The following CCDC62 variants were observed in gnomAD, a reference collection of about 807,000 sequenced individuals.
CCDC62 encodes the protein coiled-coil domain containing 62, also known as coiled-coil domain-containing protein 62.
In CCDC62, 72 loss-of-function variants were observed where a neutral mutation model predicts 80.8. The ratio of observed to expected loss-of-function variants is 0.89; its 90% CI spans 0.74 to 1.08. The LOEUF is 1.08. Among genes scored for constraint, CCDC62 ranks in the 50% least tolerant of loss-of-function variants. The pLI, the probability that CCDC62 is intolerant of heterozygous loss-of-function variation, is 0.00. For synonymous variants in CCDC62, 286 were observed against 296.5 expected, an observed-to-expected ratio of 0.96 and a Z score of 0.36; for missense variants, 704 against 809.4, an observed-to-expected ratio of 0.87 and a Z score of 1.58.
In CCDC62 at chr12:122,783,227, CT is replaced by C. The variant is rs757436171; in HGVS notation, c.396+1912del. The stretch of plus-strand genomic sequence containing the variant: ...TTGTTTATTTGTTATATCCTTCATT[CT>C]TTTTTTTTTTTTTTCCTGAGACGGA... On this transcript the variant is annotated intron_variant, in intron 3 of 12. Transcript: ENST00000253079. 3.1e-3 allele frequency among the ~76,000 whole-genome samples: 442 copies of C among 140,334 alleles called. 1 individual carries two copies. The highest frequency in any genetic ancestry group is 8.9e-3 in the South Asian group (39 of 4,386). The allele number at this position is 140,334 out of a possible 152,430, so 92.1% of individuals were successfully genotyped here.
intron 1 of CCDC62, among the ~76,000 whole-genome samples, 179 bp downstream of exon 1, chr12:122,774,885 C>T (rs1399131254): frequency 6.6e-6 from 1 of 150,950 alleles, no homozygotes; most frequent in Non-Finnish European, 1.5e-5. Context: ...GTCAGGAGAT[C>T]GAGACCATCC....
chr12:122,789,026 A>G (rs76417864), intron 5 of CCDC62, 97 bp downstream of exon 5: 29,343 of 925,412 alleles, frequency 0.032, 611 homozygotes, highest in South Asian at 0.042. Context: ...GAGTAGATCA[A>G]TTCCTGGCCT....
chr12:122,798,751 A>C (rs2031118139), intron 8 of CCDC62, among the ~76,000 whole-genome samples: 1 of 152,102 alleles, frequency 6.6e-6, no homozygotes, highest in Non-Finnish European at 1.5e-5. Flanking sequence ...ATTGCACTCC[A>C]GCCTGCGTGA....
At chr12:122,826,345 C>A in intron 12 of CCDC62, 77 bp from the exon 13 acceptor site, 1 of 742,116 alleles carries the variant, frequency 1.3e-6, no homozygotes, top group Non-Finnish European at 2.5e-6. Flanking sequence ...ATTTTAGACG[C>A]CAGGAGCTTA....
chr12:122,817,042 T>TTTTATTTATTTATTTATTTATTTATTTA lies in CCDC62; in HGVS notation c.2001+3645_2001+3646insTATTTATTTATTTATTTATTTATTTATT, dbSNP rs371995378. Reference sequence around the variant, plus strand: ...ATGCCAGTTTATTTTTATTTTTAAATTTTATTTATTTATTTATTTATTGTT... The same window carrying TTTTATTTATTTATTTATTTATTTATTTA: ...ATGCCAGTTTATTTTTATTTTTAAATTTTATTTATTTATTTATTTATTTATTTATTTATTTATTTATTTATTTATTGTT... On this transcript the variant is annotated intron_variant, in intron 11 of 12. Coordinates refer to ENST00000253079, the MANE Select transcript of CCDC62 (RefSeq NM_201435.5). Among the ~76,000 whole-genome samples, 939 of 150,304 alleles carry TTTTATTTATTTATTTATTTATTTATTTA rather than the reference T, an allele frequency of 6.2e-3. 7 individuals are homozygous for TTTTATTTATTTATTTATTTATTTATTTA. The highest frequency in any genetic ancestry group is 0.022 in the African/African-American group (891 of 40,318).
intron 5 of CCDC62, among the ~76,000 whole-genome samples, chr12:122,789,374 G>A (rs1011910265): frequency 1.3e-4 from 20 of 152,224 alleles, no homozygotes; most frequent in African/African-American, 4.6e-4. Context: ...GCTAGCCTGG[G>A]CATTTCTTCC....
chr12:122,789,737 T>C (rs923121818), intron 5 of CCDC62, among the ~76,000 whole-genome samples: 1 of 151,994 alleles, frequency 6.6e-6, no homozygotes, highest in African/African-American at 2.4e-5. Flanking sequence ...ACCCAGCCGA[T>C]CTTTGCTGAT....
intron 7 of CCDC62, 22 bp from the exon 8 acceptor site, chr12:122,798,063 G>A: frequency 8.6e-7 from 1 of 1,159,890 alleles, no homozygotes. Context: ...ATTTCATGTT[G>A]ATTTGTCAAT....
chr12:122,820,008 G>A (rs1001980578), intron 11 of CCDC62, among the ~76,000 whole-genome samples: 4 of 130,040 alleles, frequency 3.1e-5, no homozygotes, highest in African/African-American at 5.7e-5. Flanking sequence ...GCTGCAGTGA[G>A]CTGTGATTGA....
intron 3 of CCDC62, among the ~76,000 whole-genome samples, chr12:122,784,139 TC>T (rs1384840277): frequency 2.0e-5 from 3 of 152,200 alleles, no homozygotes; most frequent in African/African-American, 7.2e-5. Context: ...ATGCTTGGAA[TC>T]CTACAGTATA....
chr12:122,774,692 C>T lies in CCDC62; in HGVS notation c.22C>T (p.Leu8Phe), dbSNP rs1593771046. Residue 8 changes from leucine to phenylalanine, a missense_variant, in exon 1 of 13, where the codon CTT (leucine) becomes TTT (phenylalanine). Physicochemically the swap from Leu to Phe is conservative, Grantham distance 22. Coordinates refer to ENST00000253079, the MANE Select transcript of CCDC62 (RefSeq NM_201435.5). ...ACCTATGAACCCTCCGGCAGCCTTCCTTGCCGGGCGCCAGGTAAGCAGCGG... is the reference window on the plus strand; with the variant it reads ...ACCTATGAACCCTCCGGCAGCCTTCTTTGCCGGGCGCCAGGTAAGCAGCGG... MNPPAAF[L>F]AGRQNIGSEV... The T allele has an allele frequency of 6.8e-5, 86 of 1,256,934 alleles. No individual in the cohort carries two copies. The highest frequency in any genetic ancestry group is 8.5e-5 in the Non-Finnish European group (84 of 991,858). 77.9% of individuals were successfully genotyped at this position (1,256,934 alleles called of 1,614,324 possible). A position where few individuals can be genotyped will look rare whatever the true frequency, so the allele number is the denominator to read the frequency against.
chr12:122,782,575 C>T (rs984844139), intron 3 of CCDC62, among the ~76,000 whole-genome samples: 1 of 152,066 alleles, frequency 6.6e-6, no homozygotes, highest in Non-Finnish European at 1.5e-5. Flanking sequence ...TCTCTTGCCT[C>T]ACTCCCCCGA....
chr12:122,801,479 G>A lies in CCDC62; in HGVS notation c.1333G>A (p.Glu445Lys), dbSNP rs780033896. Residue 445 changes from glutamate to lysine, a missense_variant, in exon 9 of 13, where the codon GAA becomes AAA. Coordinates refer to ENST00000253079, the MANE Select transcript of CCDC62 (RefSeq NM_201435.5). ...PKCHGTGVQN[E>K]GKQPSETPTL... Reference sequence around the variant, plus strand: ...ATGTCATGGCACTGGGGTTCAGAACGAAGGAAAACAACCCTCAGAAACACC... The same window carrying A: ...ATGTCATGGCACTGGGGTTCAGAACAAAGGAAAACAACCCTCAGAAACACC... The A allele has an allele frequency of 1.2e-4, 194 of 1,613,960 alleles. No homozygotes were observed. The highest frequency in any genetic ancestry group is 2.4e-4 in the East Asian group (11 of 44,900).
At chr12:122,796,318 T>G (rs1275146687) in intron 6 of CCDC62, among the ~76,000 whole-genome samples, 3 of 138,910 alleles carry the variant, frequency 2.2e-5, no homozygotes, top group African/African-American at 7.7e-5. Context: ...ATTTATTTAT[T>G]TTTTTTAAGA....
intron 10 of CCDC62, 21 bp from the exon 11 acceptor site, chr12:122,813,249 G>A (rs773073157): frequency 3.2e-6 from 5 of 1,584,910 alleles, no homozygotes; most frequent in Non-Finnish European, 3.4e-6. Context: ...GCATTTAAAG[G>A]TGCCTCTTAA....
chr12:122,818,375 C>T (rs2032255443), intron 11 of CCDC62, among the ~76,000 whole-genome samples: 1 of 151,480 alleles, frequency 6.6e-6, no homozygotes, highest in African/African-American at 2.4e-5. Context: ...ATGGTGTAAA[C>T]CCATGAGGCG....
intron 11 of CCDC62, among the ~76,000 whole-genome samples, chr12:122,814,179 G>A (rs1345748221): frequency 1.8e-4 from 27 of 151,340 alleles, no homozygotes; most frequent in Non-Finnish European, 3.2e-4. Context: ...TACTCGGGAG[G>A]CTGAGACAGG....
At chr12:122,780,771 C>G (rs937838160) in intron 2 of CCDC62, among the ~76,000 whole-genome samples, 3 of 152,096 alleles carry the variant, frequency 2.0e-5, no homozygotes, top group Non-Finnish European at 4.4e-5. Context: ...ATCTCAGAAT[C>G]ATTATCTTAA....
intron 1 of CCDC62, among the ~76,000 whole-genome samples, chr12:122,775,292 A>G (rs1461024528): frequency 6.6e-6 from 1 of 152,072 alleles, no homozygotes; most frequent in Non-Finnish European, 1.5e-5. Context: ...CTTAATTTAC[A>G]CAACCTGGCG....
Sources: gnomAD v4.1 joint callset for allele counts (sites outside exome capture counted in the v4.1 genomes callset) on GRCh38, gnomAD v4.1.1 for gene constraint, MANE v1.5 for transcripts, NCBI Gene and HGNC (gene_info 2026-07-23, HGNC 2026-07-21) for gene names.